SEMA3A: variants seen among roughly 807,000 people sequenced by gnomAD.
SEMA3A encodes the protein semaphorin-3A.
In SEMA3A, 29 loss-of-function variants were observed where a neutral mutation model predicts 97.9. The observed-to-expected ratio is 0.30, with a 90% CI of 0.22 to 0.40. The LOEUF is 0.40. Ranked by LOEUF, SEMA3A falls within the 10% of genes least tolerant of loss-of-function variation. SEMA3A has a pLI of 1.00. For missense variants in SEMA3A, 763 were observed against 951.3 expected (o/e 0.80, Z 2.60); for synonymous variants, 321 against 323.7 (o/e 0.99, Z 0.09).
chr7:84,088,436 A>C (rs756243232), intron 4 of SEMA3A, among the ~76,000 whole-genome samples: 11 of 152,106 alleles, frequency 7.2e-5, no homozygotes, highest in South Asian at 4.2e-4. Flanking sequence ...CCTGGGCTAC[A>C]CAGGGAGACT....
At chr7:84,032,403 G>A (rs891037251) in intron 6 of SEMA3A, among the ~76,000 whole-genome samples, 5 of 152,064 alleles carry the variant, frequency 3.3e-5, no homozygotes, top group Admixed American at 2.6e-4. Context: ...TCTATTATTC[G>A]ATGGTCAAAA....
chr7:84,376,168 T>C, intron 1 of SEMA3A, among the ~76,000 whole-genome samples: 1 of 152,180 alleles, frequency 6.6e-6, no homozygotes, highest in Non-Finnish European at 1.5e-5. Flanking sequence ...GATGCAGACA[T>C]CTTTTTGACA....
intron 2 of SEMA3A, among the ~76,000 whole-genome samples, chr7:84,319,682 AT>A (rs1378548811): frequency 6.6e-6 from 1 of 152,190 alleles, no homozygotes; most frequent in African/African-American, 2.4e-5. Flanking sequence ...TCACCAAAAT[AT>A]ATTGCAGATA....
intron 3 of SEMA3A, among the ~76,000 whole-genome samples, chr7:84,113,898 T>A (rs1795347575): frequency 6.6e-6 from 1 of 152,074 alleles, no homozygotes; most frequent in Non-Finnish European, 1.5e-5. Context: ...CTTACCCTTA[T>A]TTTTTTAAGG....
At chr7:84,461,984 T>G (rs1407497892) in intron 1 of SEMA3A, among the ~76,000 whole-genome samples, 1 of 152,136 alleles carries the variant, frequency 6.6e-6, no homozygotes, top group Non-Finnish European at 1.5e-5. Context: ...TGATGTGATA[T>G]TCAGTCTTTT....
chr7:84,263,419 A>G (rs80182365), intron 3 of SEMA3A, among the ~76,000 whole-genome samples: 161 of 152,294 alleles, frequency 1.1e-3, no homozygotes, highest in African/African-American at 3.6e-3. Flanking sequence ...AACAAGAGCT[A>G]TGGTATTTTT....
At chr7:84,246,670 T>C (rs1799484137) in intron 3 of SEMA3A, among the ~76,000 whole-genome samples, 1 of 152,044 alleles carries the variant, frequency 6.6e-6, no homozygotes, top group Non-Finnish European at 1.5e-5. Flanking sequence ...TTTTTCAGTA[T>C]AGATGGGAGT....
At chr7:84,247,906 T>G (rs1346321722) in intron 3 of SEMA3A, among the ~76,000 whole-genome samples, 3 of 152,198 alleles carry the variant, frequency 2.0e-5, no homozygotes, top group Non-Finnish European at 4.4e-5. Flanking sequence ...TTCTTCAAGG[T>G]CCTTTAAGCA....
chr7:84,165,835 G>A (rs777063494), intron 1 of SEMA3A, among the ~76,000 whole-genome samples: 5 of 152,122 alleles, frequency 3.3e-5, no homozygotes, highest in East Asian at 1.9e-4. Context: ...TTACAGGAGT[G>A]AGCCACCCCT....
intron 4 of SEMA3A, among the ~76,000 whole-genome samples, chr7:84,085,479 CAGG>C (rs1442205827): frequency 6.6e-6 from 1 of 151,780 alleles, no homozygotes; most frequent in Non-Finnish European, 1.5e-5. Context: ...GTAGTAAGAC[CAGG>C]AGAAGAGAAA....
intron 3 of SEMA3A, among the ~76,000 whole-genome samples, chr7:84,270,644 G>A (rs887396844): frequency 3.0e-4 from 44 of 144,738 alleles, no homozygotes; most frequent in Admixed American, 8.3e-4. Context: ...TCATATATAT[G>A]CATCTATATT....
At chr7:83,973,232 C>G (rs797806) in intron 15 of SEMA3A, among the ~76,000 whole-genome samples, 20,430 of 152,088 alleles carry the variant, frequency 0.13, 1,544 homozygotes, top group South Asian at 0.2. Context: ...TTTTTAATCT[C>G]TTTCTAACCA....
intron 3 of SEMA3A, among the ~76,000 whole-genome samples, chr7:84,242,212 G>A (rs775865116): frequency 3.3e-5 from 5 of 152,040 alleles, no homozygotes; most frequent in Non-Finnish European, 5.9e-5. Flanking sequence ...CTATAAATTC[G>A]TTTGGGCAGT....
chr7:84,183,550 T>C (rs1027933517), intron 1 of SEMA3A, among the ~76,000 whole-genome samples: 1 of 151,880 alleles, frequency 6.6e-6, no homozygotes, highest in Admixed American at 6.6e-5. Flanking sequence ...CTTTGCCCAC[T>C]TGTGCTTCAT....
intron 4 of SEMA3A, among the ~76,000 whole-genome samples, chr7:84,087,340 G>A (rs549376612): frequency 3.9e-5 from 6 of 152,186 alleles, no homozygotes; most frequent in African/African-American, 1.2e-4. Flanking sequence ...GAATGTTACA[G>A]GAATTACACA....
chr7:84,406,895 G>A (rs897786514), intron 1 of SEMA3A, among the ~76,000 whole-genome samples: 22 of 152,030 alleles, frequency 1.4e-4, no homozygotes, highest in South Asian at 2.1e-4. Flanking sequence ...TTGATGGGAC[G>A]TATCTCAAAA....
At chr7:84,491,828 T>A (rs1294124057) in intron 1 of SEMA3A, among the ~76,000 whole-genome samples, 1 of 152,116 alleles carries the variant, frequency 6.6e-6, no homozygotes, top group East Asian at 1.9e-4. Flanking sequence ...GTACATCTGG[T>A]TTTAATATAT....
chr7:84,249,362 GTCTATCA>G (rs1799545428), intron 3 of SEMA3A, among the ~76,000 whole-genome samples: 1 of 113,452 alleles, frequency 8.8e-6, no homozygotes, highest in African/African-American at 3.1e-5. Context: ...CTCTCTCTCT[GTCTATCA>G]TCTATCTATC....
At chr7:84,458,413 T>A (rs1805740604) in intron 1 of SEMA3A, among the ~76,000 whole-genome samples, 1 of 151,958 alleles carries the variant, frequency 6.6e-6, no homozygotes, top group Non-Finnish European at 1.5e-5. Flanking sequence ...GAGAAAAAAA[T>A]TATGTCAATT....
Sources: gnomAD v4.1 joint callset for allele counts (sites outside exome capture counted in the v4.1 genomes callset) on GRCh38, gnomAD v4.1.1 for gene constraint, MANE v1.5 for transcripts, NCBI Gene and HGNC (gene_info 2026-07-23, HGNC 2026-07-21) for gene names.